ATP2B2: variants seen among roughly 807,000 people sequenced by gnomAD.
The protein encoded by ATP2B2 is ATPase plasma membrane Ca2+ transporting 2, also known as plasma membrane calcium-transporting ATPase 2.
ATP2B2 carries 15 observed loss-of-function variants against 120.0 expected under a neutral mutation model. That is an observed-to-expected ratio of 0.12 (90% CI 0.08 to 0.19). The LOEUF is 0.19. Ranked by LOEUF, ATP2B2 falls within the 10% of genes least tolerant of loss-of-function variation. ATP2B2 has a pLI of 1.00. For synonymous variants in ATP2B2, 694 were observed against 700.3 expected (o/e 0.99, Z 0.14); for missense variants, 1,045 against 1,719.8 (o/e 0.61, Z 6.94).
At chr3:10,641,558 G>A (rs2070172452) in intron 1 of ATP2B2, among the ~76,000 whole-genome samples, 1 of 152,134 alleles carries the variant, frequency 6.6e-6, no homozygotes, top group Admixed American at 6.5e-5. Context: ...ATCTGCTTTT[G>A]GTCAAAGAGA....
At chr3:10,335,793 C>T (rs866500401) in intron 22 of ATP2B2, among the ~76,000 whole-genome samples, 1 of 152,208 alleles carries the variant, frequency 6.6e-6, no homozygotes, top group Non-Finnish European at 1.5e-5. Context: ...CCCTCCATGT[C>T]TGTCCCCCTC....
chr3:10,678,518 C>T (rs1015057898), intron 1 of ATP2B2, among the ~76,000 whole-genome samples: 7 of 152,234 alleles, frequency 4.6e-5, no homozygotes, highest in Non-Finnish European at 1.0e-4. Flanking sequence ...TCTGGGGGCC[C>T]AGGTCTAACC....
intron 19 of ATP2B2, among the ~76,000 whole-genome samples, chr3:10,341,045 C>T (rs943741355): frequency 5.9e-5 from 9 of 152,138 alleles, no homozygotes; most frequent in Admixed American, 2.0e-4. Context: ...TTCTGGACTG[C>T]GAGGACAGGA....
intron 1 of ATP2B2, among the ~76,000 whole-genome samples, chr3:10,664,041 T>G (rs1002988216): frequency 2.0e-5 from 3 of 152,100 alleles, no homozygotes; most frequent in African/African-American, 7.2e-5. Context: ...TGACTGCTCA[T>G]GTCCACCCCA....
chr3:10,697,824 G>A (rs1210518538), intron 1 of ATP2B2, among the ~76,000 whole-genome samples: 1 of 152,216 alleles, frequency 6.6e-6, no homozygotes, highest in Non-Finnish European at 1.5e-5. Flanking sequence ...AACATCTACT[G>A]ATTTCACTCA....
At chr3:10,674,619 C>T (rs1340323191) in intron 1 of ATP2B2, among the ~76,000 whole-genome samples, 2 of 152,146 alleles carry the variant, frequency 1.3e-5, no homozygotes, top group African/African-American at 4.8e-5. Flanking sequence ...CATTTTAGTT[C>T]TACAGATTTG....
intron 4 of ATP2B2, among the ~76,000 whole-genome samples, chr3:10,401,785 C>T (rs1024297436): frequency 5.3e-5 from 8 of 152,212 alleles, no homozygotes; most frequent in African/African-American, 1.4e-4. Flanking sequence ...GCTGAGAAGG[C>T]TTCTGCGGCT....
In ATP2B2 at chr3:10,328,709, G is replaced by T; in HGVS notation, c.*105C>A. 8.3e-7 allele frequency: 1 copy of T among 1,209,954 alleles called. No individual in the cohort carries two copies. The highest frequency in any genetic ancestry group is 1.5e-5 in the African/African-American group (1 of 64,922). The allele number at this position is 1,209,954 out of a possible 1,614,324, so 75.0% of individuals were successfully genotyped here. On this transcript the variant is annotated 3_prime_UTR_variant, in exon 23 of 23. Transcript: ENST00000360273. Reference sequence around the variant, plus strand: ...CTCCAGTATTTGGTTTCCGATTGTTGCTCGTTGCTGCTTGGGTGAGTTGGG... The same window carrying T: ...CTCCAGTATTTGGTTTCCGATTGTTTCTCGTTGCTGCTTGGGTGAGTTGGG...
intron 1 of ATP2B2, among the ~76,000 whole-genome samples, chr3:10,678,654 A>C (rs1323899866): frequency 6.6e-6 from 1 of 152,120 alleles, no homozygotes; most frequent in African/African-American, 2.4e-5. Flanking sequence ...TGTACTCCCA[A>C]CTCAGACTTG....
At chr3:10,445,915 A>G (rs1208670126) in intron 2 of ATP2B2, among the ~76,000 whole-genome samples, 1 of 152,228 alleles carries the variant, frequency 6.6e-6, no homozygotes, top group Non-Finnish European at 1.5e-5. Flanking sequence ...AAGATGGCCA[A>G]GCAGGGTGGG....
intron 2 of ATP2B2, among the ~76,000 whole-genome samples, chr3:10,432,553 A>G: frequency 6.6e-6 from 1 of 152,242 alleles, no homozygotes; most frequent in East Asian, 1.9e-4. Context: ...TGATTATTCT[A>G]AACCCCAGCG....
chr3:10,582,227 G>A (rs2068407896), intron 2 of ATP2B2, among the ~76,000 whole-genome samples: 1 of 152,138 alleles, frequency 6.6e-6, no homozygotes, highest in African/African-American at 2.4e-5. Flanking sequence ...TGGGCGTGTT[G>A]GCCAGAATTG....
chr3:10,669,340 C>T (rs1183262412), intron 1 of ATP2B2, among the ~76,000 whole-genome samples: 3 of 152,128 alleles, frequency 2.0e-5, no homozygotes, highest in Non-Finnish European at 2.9e-5. Context: ...CCAACACAGT[C>T]TCCTGGGAGC....
chr3:10,458,089 G>A (rs577568273), intron 1 of ATP2B2, among the ~76,000 whole-genome samples: 3 of 151,966 alleles, frequency 2.0e-5, no homozygotes, highest in East Asian at 1.9e-4. Context: ...CTATCCATCC[G>A]TTCGTCCATC....
At chr3:10,411,848 G>A (rs1355799831) in intron 2 of ATP2B2, among the ~76,000 whole-genome samples, 1 of 152,232 alleles carries the variant, frequency 6.6e-6, no homozygotes, top group East Asian at 1.9e-4. Context: ...ACAAGGGAGT[G>A]AGGTGTAGCC....
intron 5 of ATP2B2, among the ~76,000 whole-genome samples, chr3:10,391,052 G>T (rs558012132): frequency 1.1e-4 from 16 of 152,280 alleles, no homozygotes; most frequent in Admixed American, 2.6e-4. Flanking sequence ...ACTCTTCAAA[G>T]GAGAGGAAGG....
chr3:10,439,112 C>T (rs1410199626), intron 2 of ATP2B2, among the ~76,000 whole-genome samples: 1 of 152,204 alleles, frequency 6.6e-6, no homozygotes, highest in African/African-American at 2.4e-5. Flanking sequence ...CACTGATGGG[C>T]CAAGGTTTTG....
chr3:10,489,553 G>GT (rs1559404420), intron 1 of ATP2B2, among the ~76,000 whole-genome samples: 1 of 152,158 alleles, frequency 6.6e-6, no homozygotes, highest in Non-Finnish European at 1.5e-5. Context: ...GGGATTCATG[G>GT]TTTTTTCTGA....
At chr3:10,541,543 T>C (rs2067439907) in intron 2 of ATP2B2, among the ~76,000 whole-genome samples, 1 of 152,212 alleles carries the variant, frequency 6.6e-6, no homozygotes, top group Admixed American at 6.5e-5. Context: ...TAGATATGCA[T>C]TATTTAGTTT....
Sources: gnomAD v4.1 joint callset for allele counts (sites outside exome capture counted in the v4.1 genomes callset) on GRCh38, gnomAD v4.1.1 for gene constraint, MANE v1.5 for transcripts, NCBI Gene and HGNC (gene_info 2026-07-23, HGNC 2026-07-21) for gene names.